ERBB4: variants seen among roughly 807,000 people sequenced by gnomAD.
ERBB4 encodes receptor tyrosine-protein kinase erbB-4.
A neutral mutation model predicts 158.0 loss-of-function variants in ERBB4; 42 were observed. The observed-to-expected ratio is 0.27, with a 90% confidence interval of 0.21 to 0.34. The LOEUF is 0.34. Ranked by LOEUF, ERBB4 falls within the 10% of genes least tolerant of loss-of-function variation. ERBB4 has a pLI of 1.00. For synonymous variants in ERBB4, 583 were observed against 558.7 expected (o/e 1.04, Z -0.61); for missense variants, 1,333 against 1,624.1 (o/e 0.82, Z 3.08).
chr2:211,974,996 T>A (rs572983754), intron 2 of ERBB4, among the ~76,000 whole-genome samples: 2 of 152,256 alleles, frequency 1.3e-5, no homozygotes, highest in East Asian at 3.9e-4. Flanking sequence ...CATCACTTTT[T>A]TTTTTGAGAC....
At chr2:212,285,617 T>C (rs2085930602) in intron 1 of ERBB4, among the ~76,000 whole-genome samples, 1 of 152,090 alleles carries the variant, frequency 6.6e-6, no homozygotes, top group Non-Finnish European at 1.5e-5. Flanking sequence ...ATTAAAAATC[T>C]AAAAAATGAT....
intron 1 of ERBB4, among the ~76,000 whole-genome samples, chr2:212,210,672 A>G (rs1048176248): frequency 3.3e-5 from 5 of 152,102 alleles, no homozygotes; most frequent in Admixed American, 2.0e-4. Flanking sequence ...CTGCTTTTTC[A>G]TGAAACAAGA....
intron 3 of ERBB4, among the ~76,000 whole-genome samples, chr2:211,806,301 A>C (rs2076613256): frequency 6.6e-6 from 1 of 152,194 alleles, no homozygotes; most frequent in Non-Finnish European, 1.5e-5. Flanking sequence ...CAGACTTCTC[A>C]ACAGGGACAC....
intron 5 of ERBB4, among the ~76,000 whole-genome samples, chr2:211,748,993 T>C (rs1437350223): frequency 3.3e-5 from 5 of 152,226 alleles, no homozygotes; most frequent in Non-Finnish European, 7.3e-5. Flanking sequence ...CACACAATAA[T>C]CTCATCTTAT....
chr2:212,494,704 G>T lies in ERBB4; in HGVS notation c.82+43745C>A, dbSNP rs550566019. On this transcript the variant is annotated intron_variant, in intron 1 of 27. Coordinates refer to ENST00000342788, the MANE Select transcript of ERBB4 (RefSeq NM_005235.3). ...TGCTTTGTACATATCAATTAAAATT[G>T]CATCACCCTTAAAAAAATCCACATG... 2.6e-5 allele frequency among the ~76,000 whole-genome samples: 4 copies of T among 152,108 alleles called. No individual in the cohort carries two copies. The South Asian group carries it at 8.3e-4, about 32-fold the overall frequency.
At chr2:212,520,526 G>T (rs1233261815) in intron 1 of ERBB4, among the ~76,000 whole-genome samples, 2 of 151,876 alleles carry the variant, frequency 1.3e-5, no homozygotes, top group Admixed American at 6.6e-5. Flanking sequence ...TGCCCATATT[G>T]TTCTGGAGCA....
chr2:211,802,352 G>T (rs972740474), intron 3 of ERBB4, among the ~76,000 whole-genome samples: 1 of 151,774 alleles, frequency 6.6e-6, no homozygotes, highest in Non-Finnish European at 1.5e-5. Flanking sequence ...TTTCACCATT[G>T]TCACATACAT....
At chr2:212,236,930 T>C (rs942627977) in intron 1 of ERBB4, among the ~76,000 whole-genome samples, 1 of 152,156 alleles carries the variant, frequency 6.6e-6, no homozygotes, top group African/African-American at 2.4e-5. Context: ...CCTGGATTCA[T>C]TGCTTTTTTG....
At position 212,118,021 on chromosome 2, in the gene ERBB4, A is replaced by T. The variant is rs372395867; in HGVS notation, c.234+6731T>A. ...CTTCAATGTAGGGTTTTTCTAAATC[A>T]TGCTATGCAGCAGACAGCTTAGCCC... On this transcript the variant is annotated intron_variant, in intron 2 of 27. Coordinates refer to ENST00000342788, the MANE Select transcript of ERBB4 (RefSeq NM_005235.3). Among the ~76,000 whole-genome samples, 21 of 152,300 alleles carry T rather than the reference A, an allele frequency of 1.4e-4. No individual in the cohort carries two copies. In the South Asian group the frequency reaches 4.1e-3, roughly 30 times the overall value.
chr2:211,971,426 G>T (rs2081448575), intron 2 of ERBB4, among the ~76,000 whole-genome samples: 1 of 152,024 alleles, frequency 6.6e-6, no homozygotes, highest in Non-Finnish European at 1.5e-5. Flanking sequence ...TATCCTACAA[G>T]CAAAACAAGC....
At chr2:211,974,371 G>A (rs548371261) in intron 2 of ERBB4, among the ~76,000 whole-genome samples, 1 of 152,088 alleles carries the variant, frequency 6.6e-6, no homozygotes. Context: ...AAGAAGGGAA[G>A]GATGGAAGAA....
rs143742830 is a variant in ERBB4 at position 212,394,641 on chromosome 2, C to T, written c.82+143808G>A. On this transcript the variant is annotated intron_variant, in intron 1 of 27. Transcript: ENST00000342788. ...TACTTATGTTAAATATTTTCTTCCA[C>T]GTGCTTCCATGTGCTTATTTCATGT... is the stretch of plus-strand genomic sequence containing the variant. 9.5e-4 allele frequency among the ~76,000 whole-genome samples: 145 copies of T among 152,196 alleles called. 1 individual carries two copies. The highest frequency in any genetic ancestry group is 3.2e-3 in the African/African-American group (131 of 41,556).
intron 1 of ERBB4, among the ~76,000 whole-genome samples, chr2:212,454,233 C>A (rs1475875005): frequency 1.3e-5 from 2 of 152,210 alleles, no homozygotes; most frequent in Non-Finnish European, 2.9e-5. Flanking sequence ...GCCACCATGC[C>A]TGGCTATATT....
intron 1 of ERBB4, among the ~76,000 whole-genome samples, chr2:212,166,693 T>G (rs13007455): frequency 0.61 from 92,385 of 151,862 alleles, 29,220 homozygotes; most frequent in African/African-American, 0.68. Flanking sequence ...CTTCAAACTA[T>G]GCTACAAGGC....
At chr2:212,127,388 C>G (rs4672639) in intron 1 of ERBB4, among the ~76,000 whole-genome samples, 61,031 of 151,990 alleles carry the variant, frequency 0.4, 14,548 homozygotes, top group Non-Finnish European at 0.53. Flanking sequence ...GTCAGGAGAT[C>G]GAGACCATCC....
intron 25 of ERBB4, among the ~76,000 whole-genome samples, chr2:211,408,285 G>A (rs1337586098): frequency 6.6e-6 from 1 of 152,176 alleles, no homozygotes; most frequent in Non-Finnish European, 1.5e-5. Flanking sequence ...TGCGAATCTT[G>A]TAGCAGTAAT....
intron 1 of ERBB4, among the ~76,000 whole-genome samples, chr2:212,227,690 TG>T (rs1354140457): frequency 3.3e-5 from 5 of 152,184 alleles, no homozygotes. Context: ...AGTCTTTGAA[TG>T]GTGCTATGTG....
At chr2:212,029,341 A>G (rs1272438986) in intron 2 of ERBB4, among the ~76,000 whole-genome samples, 1 of 151,992 alleles carries the variant, frequency 6.6e-6, no homozygotes, top group Admixed American at 6.6e-5. Context: ...CCCTGGAAAG[A>G]AAATTCTTTC....
At chr2:212,092,788 A>G (rs1415113820) in intron 2 of ERBB4, among the ~76,000 whole-genome samples, 1 of 152,094 alleles carries the variant, frequency 6.6e-6, no homozygotes, top group Non-Finnish European at 1.5e-5. Flanking sequence ...GGACGCAGGG[A>G]GGGGAACATC....
Sources: gnomAD v4.1 joint callset for allele counts (sites outside exome capture counted in the v4.1 genomes callset) on GRCh38, gnomAD v4.1.1 for gene constraint, MANE v1.5 for transcripts, NCBI Gene and HGNC (gene_info 2026-07-23, HGNC 2026-07-21) for gene names.